The following USP24 variants were observed in gnomAD, a reference collection of about 807,000 sequenced individuals.
The protein encoded by USP24 is ubiquitin specific peptidase 24, also known as ubiquitin carboxyl-terminal hydrolase 24.
Under a neutral mutation model 361.6 loss-of-function variants are expected in USP24, and 97 were observed. The observed-to-expected ratio is 0.27, with a 90% CI of 0.23 to 0.32. The LOEUF is 0.32. Among genes scored for constraint, USP24 ranks in the 10% least tolerant of loss-of-function variants. USP24 has a pLI of 1.00. For synonymous variants in USP24, 1,098 were observed against 1,124.6 expected (o/e 0.98, Z 0.47); for missense variants, 2,353 against 3,165.6 (o/e 0.74, Z 6.16).
intron 3 of USP24, 35 bp downstream of exon 3, chr1:55,176,341 A>C: frequency 6.5e-7 from 1 of 1,540,260 alleles, no homozygotes; most frequent in Non-Finnish European, 8.8e-7. Flanking sequence ...CCACCCCGAC[A>C]CACACAAAAT....
intron 59 of USP24, 84 bp from the exon 60 acceptor site, chr1:55,079,743 C>G: frequency 6.8e-7 from 1 of 1,478,886 alleles, no homozygotes; most frequent in Non-Finnish European, 8.9e-7. Context: ...AAATGTGCCT[C>G]CTTCAAGACT....
rs1486219884 is a variant in USP24 at position 55,141,618 on chromosome 1, A to G, written c.2748T>C (p.Tyr916=). ...PTVATSVQSP[Y]RSTKLVIIER... Reference sequence around the variant, plus strand: ...ATTTTTCACTTCTGATCACTTACCTATAAGGAGACTGAACTGAGGTTGCTA... The same window carrying G: ...ATTTTTCACTTCTGATCACTTACCTGTAAGGAGACTGAACTGAGGTTGCTA... Residue 916 remains tyrosine, a splice_region_variant and synonymous_variant, in exon 24 of 68, where the codon TAT becomes TAC. Coordinates refer to ENST00000294383, the MANE Select transcript of USP24 (RefSeq NM_015306.3). 5 of 1,609,888 alleles carry G rather than the reference A, an allele frequency of 3.1e-6. No individual in the cohort carries two copies. Among genetic ancestry groups the G allele is most frequent in the East Asian group, 2.2e-5 (1 of 44,782 alleles).
intron 1 of USP24, among the ~76,000 whole-genome samples, chr1:55,214,466 T>C (rs546083251): frequency 1.9e-4 from 29 of 152,052 alleles, no homozygotes; most frequent in South Asian, 1.2e-3. Context: ...TCTCGGATGA[T>C]AGCCCTGGAG....
intron 28 of USP24, among the ~76,000 whole-genome samples, chr1:55,135,399 T>C (rs965753187): frequency 1.3e-5 from 2 of 152,210 alleles, no homozygotes; most frequent in African/African-American, 2.4e-5. Context: ...AGTGCTAACA[T>C]GACACCACAA....
In USP24 at chr1:55,172,470, T is replaced by G. The variant is rs951856366; in HGVS notation, c.609A>C (p.Gly203=). The change falls in exon 4 of 68, where the codon GGA becomes GGC. Residue 203 remains glycine (G), a synonymous_variant. Transcript: ENST00000294383. ...VHKWGTEIHE[G]IYNMLMLLIE... ...TTAATAGCATCAACATGTTGTAAAT[T>G]CCTTCATGAATTTCAGTACCCCACT... 2 of 1,613,380 alleles carry G rather than the reference T, an allele frequency of 1.2e-6. No individual in the cohort carries two copies. The highest frequency in any genetic ancestry group is 2.7e-5 in the African/African-American group (2 of 74,902).
In USP24 at chr1:55,165,734, C is replaced by G. The variant is rs1438516153; in HGVS notation, c.927+151G>C. ...TGGTTATAATTAGGAGTAAACATTT[C>G]TTTGGTTATCAGGACCGTGGAATCT... is the stretch of plus-strand genomic sequence containing the variant. On this transcript the variant is annotated intron_variant, in intron 7 of 67. Transcript: ENST00000294383. The G allele has an allele frequency of 5.7e-6, 3 of 526,346 alleles. No individual in the cohort carries two copies. The Admixed American group carries it at 1.3e-4, about 23-fold the overall frequency. The allele number at this position is 526,346 out of a possible 1,614,324, so 32.6% of individuals were successfully genotyped here.
rs2100656349 is a variant in USP24 at position 55,134,348 on chromosome 1, G to A, written c.3267C>T (p.Leu1089=). The change falls in exon 29 of 68, where the codon CTC becomes CTT. Residue 1089 remains leucine (L), a synonymous_variant. Coordinates refer to ENST00000294383, the MANE Select transcript of USP24 (RefSeq NM_015306.3). ...VCNVFDMLYQ[L]ANLEEPRITL... ...TTTACCTTGGCTCTTCCAGATTGGC[G>A]AGCTGATAAAGCATGTCAAATACGT... is the stretch of plus-strand genomic sequence containing the variant. The A allele has an allele frequency of 6.2e-7, 1 of 1,612,496 alleles. No individual in the cohort carries two copies. Among genetic ancestry groups the A allele is most frequent in the East Asian group, 2.2e-5 (1 of 44,834 alleles).
At chr1:55,074,453 A>C (rs1644983105) in intron 63 of USP24, among the ~76,000 whole-genome samples, 2 of 151,970 alleles carry the variant, frequency 1.3e-5, no homozygotes, top group Non-Finnish European at 2.9e-5. Flanking sequence ...GAGCAACATG[A>C]TGAAAGTCTG....
intron 24 of USP24, 96 bp downstream of exon 24, chr1:55,141,520 A>G: frequency 9.2e-7 from 1 of 1,085,224 alleles, no homozygotes; most frequent in Non-Finnish European, 1.4e-6. Context: ...ATATAAAATG[A>G]GGAAATCAAT....
chr1:55,159,744 G>C (rs1440703397), intron 8 of USP24, 59 bp from the exon 9 acceptor site: 2 of 1,418,858 alleles, frequency 1.4e-6, no homozygotes, highest in Non-Finnish European at 1.9e-6. Context: ...AGTAGAGAGA[G>C]AATACTTCTT....
chr1:55,128,362 G>GT (rs907051058), intron 32 of USP24, among the ~76,000 whole-genome samples: 4 of 152,100 alleles, frequency 2.6e-5, no homozygotes, highest in Non-Finnish European at 4.4e-5. Context: ...GTAACTGCCT[G>GT]TTTTTTCATG....
chr1:55,107,996 G>A (rs1232936578), intron 39 of USP24, among the ~76,000 whole-genome samples: 1 of 152,070 alleles, frequency 6.6e-6, no homozygotes, highest in African/African-American at 2.4e-5. Context: ...TGTGCCATAT[G>A]CTGAGGCTAT....
At chr1:55,134,941 CACT>C in intron 28 of USP24, among the ~76,000 whole-genome samples, 1 of 152,100 alleles carries the variant, frequency 6.6e-6, no homozygotes, top group East Asian at 1.9e-4. Context: ...ATGACTAAAG[CACT>C]ATTTTCTGGT....
In USP24 at chr1:55,110,189, C is replaced by A; in HGVS notation, c.4566G>T (p.Leu1522=). 1 of 1,550,536 alleles carries A rather than the reference C, an allele frequency of 6.4e-7. No homozygotes were observed. Among genetic ancestry groups the A allele is most frequent in the South Asian group, 1.2e-5 (1 of 83,050 alleles). The change falls in exon 39 of 68, where the codon CTG becomes CTT. Residue 1522 remains leucine, a synonymous_variant. Coordinates refer to ENST00000294383, the MANE Select transcript of USP24 (RefSeq NM_015306.3). ...FDLRCQLLDD[L]TTSEMEQLRI... ...ACATATTAGTCATTTACTTACTTGT[C>A]AGATCATCTAATAACTGGCATCTCA...
At chr1:55,073,995 G>A (rs1644971086) in intron 63 of USP24, 89 bp from the exon 64 acceptor site, 9 of 1,040,852 alleles carry the variant, frequency 8.6e-6, no homozygotes, top group Non-Finnish European at 1.3e-5. Flanking sequence ...TCTAAAAATC[G>A]ACAAACTATT....
chr1:55,087,906 A>G (rs544588234), intron 55 of USP24, among the ~76,000 whole-genome samples: 1 of 152,350 alleles, frequency 6.6e-6, no homozygotes, highest in South Asian at 2.1e-4. Context: ...GGTGTTCCAG[A>G]TAAGGAATAA....
At chr1:55,075,433 G>C in intron 63 of USP24, 24 bp downstream of exon 63, 1 of 1,581,112 alleles carries the variant, frequency 6.3e-7, no homozygotes, top group Non-Finnish European at 8.6e-7. Context: ...ATAGACATTT[G>C]TGCATAAGAC....
At chr1:55,083,632 C>A in intron 57 of USP24, 140 bp downstream of exon 57, 1 of 732,954 alleles carries the variant, frequency 1.4e-6, no homozygotes, top group Non-Finnish European at 2.2e-6. Context: ...AGAATTCTTA[C>A]AAGTAATATA....
chr1:55,074,002 T>C (rs1644971232), intron 63 of USP24, 96 bp from the exon 64 acceptor site: 4 of 966,674 alleles, frequency 4.1e-6, no homozygotes, highest in Non-Finnish European at 6.2e-6. Flanking sequence ...ATCGACAAAC[T>C]ATTTTAATAA....
Sources: gnomAD v4.1 joint callset for allele counts (sites outside exome capture counted in the v4.1 genomes callset) on GRCh38, gnomAD v4.1.1 for gene constraint, MANE v1.5 for transcripts, NCBI Gene and HGNC (gene_info 2026-07-23, HGNC 2026-07-21) for gene names.